SGCZ: variants seen among roughly 807,000 people sequenced by gnomAD.
SGCZ encodes the protein zeta-sarcoglycan.
A neutral mutation model predicts 41.3 loss-of-function variants in SGCZ; 40 were observed. That is an observed-to-expected ratio of 0.97 (90% CI 0.75 to 1.26). The LOEUF is 1.26. Among genes scored for constraint, SGCZ ranks in the 50% most tolerant of loss-of-function variants. The probability of loss-of-function intolerance (pLI) is 0.00; values close to 1 mark genes in which losing one functional copy is unlikely to be tolerated. For missense variants in SGCZ, 552 were observed against 369.8 expected (o/e 1.49, Z -4.04); for synonymous variants, 206 against 137.5 (o/e 1.50, Z -3.49).
At chr8:14,466,388 TC>T (rs1409617423) in intron 2 of SGCZ, among the ~76,000 whole-genome samples, 2 of 152,006 alleles carry the variant, frequency 1.3e-5, no homozygotes, top group African/African-American at 4.8e-5. Context: ...TCTTTTGGCT[TC>T]CAATAGTCTC....
At chr8:14,404,195 T>C (rs572732616) in intron 2 of SGCZ, among the ~76,000 whole-genome samples, 17 of 152,352 alleles carry the variant, frequency 1.1e-4, no homozygotes, top group African/African-American at 3.8e-4. Flanking sequence ...TGTAATTGTA[T>C]CTATATACAT....
intron 1 of SGCZ, among the ~76,000 whole-genome samples, chr8:14,799,690 A>T (rs537517347): frequency 2.9e-3 from 435 of 150,990 alleles, no homozygotes; most frequent in South Asian, 4.6e-3. Flanking sequence ...ATAAAAAAAA[A>T]TTTTTTTTTT....
At chr8:14,798,068 G>A (rs1454332972) in intron 1 of SGCZ, among the ~76,000 whole-genome samples, 1 of 152,160 alleles carries the variant, frequency 6.6e-6, no homozygotes, top group Non-Finnish European at 1.5e-5. Flanking sequence ...AGGAAATGTT[G>A]GGGCCCACTG....
In SGCZ at chr8:14,729,014, CT is replaced by C. The variant is rs545736642; in HGVS notation, c.40-174089del. ...TTAGTGACCTAGTTTTAAAATTACTCTTTGTAATGTGGTCACTAGGAATTAA... is the reference window on the plus strand; with the variant it reads ...TTAGTGACCTAGTTTTAAAATTACTCTTGTAATGTGGTCACTAGGAATTAA... On this transcript the variant is annotated intron_variant, in intron 1 of 7. Coordinates refer to ENST00000382080, the MANE Select transcript of SGCZ (RefSeq NM_139167.4). 5.9e-5 allele frequency among the ~76,000 whole-genome samples: 9 copies of C among 152,242 alleles called. No homozygotes were observed. The East Asian group carries it at 1.7e-3, about 29-fold the overall frequency.
intron 4 of SGCZ, among the ~76,000 whole-genome samples, chr8:14,192,155 A>C (rs1805124460): frequency 6.6e-6 from 1 of 152,112 alleles, no homozygotes; most frequent in South Asian, 2.1e-4. Context: ...ATTTCTTCAT[A>C]AACTTTCACA....
intron 4 of SGCZ, among the ~76,000 whole-genome samples, chr8:14,229,660 AAAAG>A (rs1336724811): frequency 6.6e-4 from 92 of 139,106 alleles, no homozygotes; most frequent in South Asian, 4.8e-4. Context: ...TAAAAAAAAA[AAAAG>A]AGTCAATTAA....
intron 2 of SGCZ, among the ~76,000 whole-genome samples, chr8:14,348,374 C>T (rs542893478): frequency 6.6e-6 from 1 of 152,072 alleles, no homozygotes; most frequent in African/African-American, 2.4e-5. Context: ...CTTCTTGTGT[C>T]CCTGGCTTTT....
chr8:14,179,633 A>T (rs1398937743), intron 4 of SGCZ, among the ~76,000 whole-genome samples: 1 of 152,196 alleles, frequency 6.6e-6, no homozygotes, highest in African/African-American at 2.4e-5. Flanking sequence ...CGTAAAAGAC[A>T]GGAAATGGGA....
At chr8:14,372,936 G>A (rs569309534) in intron 2 of SGCZ, among the ~76,000 whole-genome samples, 1 of 152,250 alleles carries the variant, frequency 6.6e-6, no homozygotes, top group Non-Finnish European at 1.5e-5. Flanking sequence ...GCCACTGTAA[G>A]ATTTTGAGCA....
chr8:14,656,274 C>T (rs961412170), intron 1 of SGCZ, among the ~76,000 whole-genome samples: 1 of 152,018 alleles, frequency 6.6e-6, no homozygotes, highest in African/African-American at 2.4e-5. Flanking sequence ...ATTGTTTTAG[C>T]CATTCTGATA....
intron 2 of SGCZ, among the ~76,000 whole-genome samples, chr8:14,359,198 A>G (rs1459894271): frequency 6.6e-6 from 1 of 152,132 alleles, no homozygotes; most frequent in Non-Finnish European, 1.5e-5. Context: ...CAAACTCCCA[A>G]AAGTCAAGGA....
intron 1 of SGCZ, among the ~76,000 whole-genome samples, chr8:14,594,150 G>A (rs1805329984): frequency 6.6e-6 from 1 of 150,772 alleles, no homozygotes; most frequent in Non-Finnish European, 1.5e-5. Flanking sequence ...ACTCCAGCCT[G>A]GGCAACAGAG....
chr8:14,436,472 G>T (rs534597644), intron 2 of SGCZ, among the ~76,000 whole-genome samples: 3 of 152,142 alleles, frequency 2.0e-5, no homozygotes, highest in African/African-American at 7.2e-5. Context: ...ACACTTTTAA[G>T]ACACTTTTAA....
chr8:14,401,493 T>TTG (rs1799074916), intron 2 of SGCZ, among the ~76,000 whole-genome samples: 1 of 138,606 alleles, frequency 7.2e-6, no homozygotes, highest in Admixed American at 7.9e-5. Flanking sequence ...TGTGTCCACG[T>TTG]GATCTCATTG....
chr8:14,986,303 A>T (rs796069863), intron 1 of SGCZ, among the ~76,000 whole-genome samples: 54 of 152,240 alleles, frequency 3.5e-4, no homozygotes, highest in African/African-American at 1.3e-3. Context: ...GGTAATTACC[A>T]CTAAGGTTCT....
intron 4 of SGCZ, among the ~76,000 whole-genome samples, chr8:14,181,373 G>A (rs1299887724): frequency 6.6e-6 from 1 of 152,198 alleles, no homozygotes; most frequent in Non-Finnish European, 1.5e-5. Flanking sequence ...TCTAATGACA[G>A]AACTAAAGTG....
At chr8:14,278,631 T>C (rs1291288464) in intron 3 of SGCZ, among the ~76,000 whole-genome samples, 4 of 152,188 alleles carry the variant, frequency 2.6e-5, no homozygotes, top group African/African-American at 9.6e-5. Context: ...TTCTCTATAT[T>C]GCTATTTACC....
chr8:14,555,364 G>C (rs544181221), intron 1 of SGCZ, among the ~76,000 whole-genome samples: 2 of 151,982 alleles, frequency 1.3e-5, no homozygotes, highest in Non-Finnish European at 2.9e-5. Context: ...TCATGGCAGT[G>C]AATTTCCCCC....
chr8:14,435,092 G>A (rs936238664), intron 2 of SGCZ, among the ~76,000 whole-genome samples: 4 of 152,120 alleles, frequency 2.6e-5, no homozygotes, highest in East Asian at 3.8e-4. Flanking sequence ...ATATACTAGA[G>A]CAATGCAAAA....
Sources: allele counts gnomAD v4.1 joint callset (sites outside exome capture counted in the v4.1 genomes callset), GRCh38; gene constraint gnomAD v4.1.1; transcripts MANE v1.5; gene names NCBI Gene and HGNC (gene_info 2026-07-23, HGNC 2026-07-21).